SORT1: variants seen among roughly 807,000 people sequenced by gnomAD.
SORT1 encodes sortilin.
Under a neutral mutation model 101.7 loss-of-function variants are expected in SORT1, and 39 were observed. The observed-to-expected ratio is 0.38, with a 90% confidence interval of 0.30 to 0.50. The LOEUF is 0.50. Among genes scored for constraint, SORT1 ranks in the 20% least tolerant of loss-of-function variants. The pLI, the probability that SORT1 is intolerant of heterozygous loss-of-function variation, is 0.90. For missense variants in SORT1, 878 were observed against 1,040.4 expected, an observed-to-expected ratio of 0.84 and a Z score of 2.15; for synonymous variants, 396 against 393.7, an observed-to-expected ratio of 1.01 and a Z score of -0.07.
intron 1 of SORT1, among the ~76,000 whole-genome samples, chr1:109,377,516 CA>C (rs1287664311): frequency 1.3e-5 from 2 of 152,208 alleles, no homozygotes; most frequent in Non-Finnish European, 2.9e-5. Context: ...CCAGCCAAGA[CA>C]CTGTTATACA....
At chr1:109,392,569 T>C (rs768969285) in intron 1 of SORT1, 2 of 978,458 alleles carry the variant, frequency 2.0e-6, no homozygotes, top group Non-Finnish European at 2.4e-6. Flanking sequence ...GAGCCAAACA[T>C]TTGAGTCAGC....
chr1:109,357,136 T>A (rs1001529026), intron 3 of SORT1, among the ~76,000 whole-genome samples: 1 of 152,246 alleles, frequency 6.6e-6, no homozygotes, highest in African/African-American at 2.4e-5. Context: ...TACAGCTGCC[T>A]ACAGTATTCA....
At chr1:109,333,782 T>C (rs2101566662) in intron 11 of SORT1, among the ~76,000 whole-genome samples, 1 of 152,366 alleles carries the variant, frequency 6.6e-6, no homozygotes, top group East Asian at 1.9e-4. Flanking sequence ...AAGGGAACCC[T>C]GTACACTGTT....
At chr1:109,387,918 C>A (rs1652675135) in intron 1 of SORT1, among the ~76,000 whole-genome samples, 1 of 152,118 alleles carries the variant, frequency 6.6e-6, no homozygotes, top group African/African-American at 2.4e-5. Context: ...CCACTGCACT[C>A]CAGCCTGGGC....
At chr1:109,340,292 G>A (rs902675984) in intron 10 of SORT1, among the ~76,000 whole-genome samples, 3 of 152,010 alleles carry the variant, frequency 2.0e-5, no homozygotes, top group African/African-American at 7.2e-5. Context: ...CAAAATGAAA[G>A]AAGCCAGACA....
At position 109,378,698 on chromosome 1, in the gene SORT1, TGATATA is replaced by T. The variant is rs1652011277; in HGVS notation, c.307-9115_307-9110del. On this transcript the variant is annotated intron_variant, in intron 1 of 19. Transcript: ENST00000256637. ...TCCAGCCAACAGAAGGTAGAGTGAA[TGATATA>T]TATATATATATATATATATATATAT... Among the ~76,000 whole-genome samples the T allele has an allele frequency of 3.2e-4, 20 of 62,164 alleles. 1 individual carries two copies. The highest frequency in any genetic ancestry group is 1.3e-3 in the African/African-American group (19 of 15,034). 40.8% of individuals were successfully genotyped at this position (62,164 alleles called of 152,430 possible).
intron 3 of SORT1, 95 bp from the exon 4 acceptor site, chr1:109,355,564 T>C: frequency 1.5e-6 from 1 of 658,072 alleles, no homozygotes; most frequent in Non-Finnish European, 2.8e-6. Flanking sequence ...CCACCAATCA[T>C]GCTGAGAGAC....
chr1:109,325,037 G>C lies in SORT1; in HGVS notation c.1696C>G (p.Pro566Ala), dbSNP rs993781025. ...GAAGCTAGGCCAGTGAAATAGATGG[G>C]GTCCCTGGTGAACGTGTAGGTTTGC... The part of the protein sequence containing the change: ...CWQTYTFTRD[P>A]IYFTGLASEP... The change falls in exon 14 of 20, where the codon CCC (proline) becomes GCC (alanine). Residue 566 changes from proline (P) to alanine (A), a missense_variant. Pro to Ala is a conservative substitution (Grantham distance 27). Around this residue, in one of 2 missense-constraint regions of SORT1, gnomAD observed 684 missense variants for 894.5 expected, o/e 0.76. Transcript: ENST00000256637. The C allele has an allele frequency of 9.3e-6, 15 of 1,613,642 alleles. No homozygotes were observed. In the East Asian group the frequency reaches 1.6e-4, roughly 17 times the overall value.
chr1:109,329,282 G>A (rs1648290911), intron 11 of SORT1, among the ~76,000 whole-genome samples: 1 of 152,062 alleles, frequency 6.6e-6, no homozygotes, highest in Admixed American at 6.6e-5. Context: ...GAGACGGAGT[G>A]TCGCTCTGCC....
intron 13 of SORT1, 72 bp from the exon 14 acceptor site, chr1:109,325,161 CT>C: frequency 1.1e-6 from 1 of 912,718 alleles, no homozygotes; most frequent in South Asian, 2.4e-5. Flanking sequence ...ACCACTCTGG[CT>C]TTTTGATCCC....
chr1:109,325,153 C>A, intron 13 of SORT1, 64 bp from the exon 14 acceptor site: 1 of 1,090,668 alleles, frequency 9.2e-7, no homozygotes, highest in Non-Finnish European at 1.3e-6. Flanking sequence ...TTCAGAAAAC[C>A]ACTCTGGCTT....
At chr1:109,377,232 T>C (rs1310025033) in intron 1 of SORT1, among the ~76,000 whole-genome samples, 1 of 152,348 alleles carries the variant, frequency 6.6e-6, no homozygotes, top group East Asian at 1.9e-4. Flanking sequence ...AATTATGCTA[T>C]AAATTCTTAA....
chr1:109,323,947 T>A (rs3768496), intron 14 of SORT1, among the ~76,000 whole-genome samples: 106,193 of 152,066 alleles, frequency 0.7, 37,637 homozygotes, highest in East Asian at 0.96. Flanking sequence ...CTTATGGAAA[T>A]GTGAGGTCCA....
chr1:109,383,793 G>T (rs1412152870), intron 1 of SORT1, among the ~76,000 whole-genome samples: 1 of 152,208 alleles, frequency 6.6e-6, no homozygotes, highest in Non-Finnish European at 1.5e-5. Flanking sequence ...CAGTTCTCAT[G>T]AAGTCTATTC....
chr1:109,336,393 T>C (rs765958127), intron 10 of SORT1, 47 bp from the exon 11 acceptor site: 35 of 1,210,936 alleles, frequency 2.9e-5, no homozygotes, highest in Non-Finnish European at 3.9e-5. Flanking sequence ...TGGAAGTACC[T>C]AGGTTAGATT....
chr1:109,363,522 T>C (rs1178194438), intron 3 of SORT1, among the ~76,000 whole-genome samples: 1 of 152,084 alleles, frequency 6.6e-6, no homozygotes, highest in Non-Finnish European at 1.5e-5. Flanking sequence ...TACACATACA[T>C]ATAATCTCCC....
intron 11 of SORT1, among the ~76,000 whole-genome samples, chr1:109,334,318 G>A (rs1479406883): frequency 1.3e-5 from 2 of 152,086 alleles, no homozygotes; most frequent in African/African-American, 4.8e-5. Flanking sequence ...GTCTACAGAT[G>A]GATGAATGGA....
At chr1:109,318,264 T>C (rs1261902943) in intron 15 of SORT1, among the ~76,000 whole-genome samples, 2 of 151,646 alleles carry the variant, frequency 1.3e-5, no homozygotes, top group African/African-American at 4.8e-5. Flanking sequence ...GCGACTCTCC[T>C]GCCTCAGCCT....
chr1:109,354,549 G>C lies in SORT1; in HGVS notation c.544-18C>G. 1 of 1,602,726 alleles carries C rather than the reference G, an allele frequency of 6.2e-7. No homozygotes were observed. The highest frequency in any genetic ancestry group is 8.5e-7 in the Non-Finnish European group (1 of 1,171,276). On this transcript the variant is annotated intron_variant, in intron 4 of 19. Coordinates refer to ENST00000256637, the MANE Select transcript of SORT1 (RefSeq NM_002959.7). Reference sequence around the variant, plus strand: ...AACACCACCTGATAGGAAGAGGAAAGATCTGATTCAGGGTATGATACTATC... The same window carrying C: ...AACACCACCTGATAGGAAGAGGAAACATCTGATTCAGGGTATGATACTATC...
Sources: gnomAD v4.1 joint callset for allele counts (sites outside exome capture counted in the v4.1 genomes callset) on GRCh38, gnomAD v4.1.1 for gene constraint, gnomAD v4.1.1 regional missense constraint, MANE v1.5 for transcripts, NCBI Gene and HGNC (gene_info 2026-07-23, HGNC 2026-07-21) for gene names.